Variants in KLRG1 observed in about 807,000 individuals in gnomAD.
KLRG1 encodes the protein killer cell lectin-like receptor subfamily G member 1.
KLRG1 carries 16 observed loss-of-function variants against 21.8 expected under a neutral mutation model. The ratio of observed to expected loss-of-function variants is 0.73; its 90% confidence interval spans 0.50 to 1.11. The LOEUF (loss-of-function observed/expected upper bound fraction) is 1.11, where lower values mean the gene tolerates loss of function less well. Among genes scored for constraint, KLRG1 ranks in the 50% most tolerant of loss-of-function variants. The pLI is 0.00. For synonymous variants in KLRG1, 69 were observed against 75.9 expected (o/e 0.91, Z 0.47); for missense variants, 173 against 218.3 (o/e 0.79, Z 1.31).
the KLRG1 span, among the ~76,000 whole-genome samples, chr12:9,103,137 T>C: frequency 3.9e-5 from 6 of 152,214 alleles, no homozygotes; most frequent in African/African-American, 1.4e-4. Flanking sequence ...TTTTGGAGTA[T>C]ATATATTTAA....
chr12:8,956,408 C>T (rs1946294521), intron 1 of KLRG1, among the ~76,000 whole-genome samples: 1 of 152,166 alleles, frequency 6.6e-6, no homozygotes, highest in African/African-American at 2.4e-5. Flanking sequence ...TTCCCCAAGC[C>T]AGAGCTGTAA....
At chr12:9,196,623 C>G in the KLRG1 span, 2 of 1,613,732 alleles carry the variant, frequency 1.2e-6, no homozygotes, top group Admixed American at 3.3e-5. Flanking sequence ...TTTCAAAGCC[C>G]GTATTTGTAA....
the KLRG1 span, chr12:9,163,832 G>A: frequency 6.9e-6 from 11 of 1,592,748 alleles, no homozygotes; most frequent in South Asian, 1.0e-4. Flanking sequence ...CACTTTGATA[G>A]TCCAATCACC....
At chr12:9,053,047 ACC>A in the KLRG1 span, among the ~76,000 whole-genome samples, 1 of 152,216 alleles carries the variant, frequency 6.6e-6, no homozygotes, top group African/African-American at 2.4e-5. Context: ...GGCCAGGGCC[ACC>A]TGTCTGTGTG....
At chr12:9,107,444 C>T in the KLRG1 span, 9 of 1,530,918 alleles carry the variant, frequency 5.9e-6, no homozygotes, top group East Asian at 4.6e-5. Flanking sequence ...TCTCTTCCTG[C>T]GTCAGAAAAA....
the KLRG1 span, chr12:9,113,637 G>A: frequency 8.2e-7 from 1 of 1,226,356 alleles, no homozygotes. Flanking sequence ...ATCATCATCA[G>A]TTCTACACCA....
chr12:9,069,813 G>A, the KLRG1 span: 14 of 1,613,300 alleles, frequency 8.7e-6, no homozygotes, highest in Non-Finnish European at 1.2e-5. Context: ...GATCTTTCAA[G>A]CTGAAGAAAA....
chr12:9,065,990 C>G, the KLRG1 span: 1 of 152,344 alleles, frequency 6.6e-6, no homozygotes. Context: ...CTGCTAGAAG[C>G]TGAACACTCG....
At chr12:9,124,294 G>A in the KLRG1 span, among the ~76,000 whole-genome samples, 9 of 152,026 alleles carry the variant, frequency 5.9e-5, no homozygotes, top group South Asian at 2.1e-4. Context: ...TGGGAGCTCC[G>A]TCCCTTCTGA....
the KLRG1 span, chr12:9,065,767 G>T: frequency 6.6e-6 from 1 of 152,300 alleles, no homozygotes; most frequent in South Asian, 2.1e-4. Flanking sequence ...CCCACTCATG[G>T]CTGCCCATGG....
At chr12:9,004,581 C>T (rs1400459089) in intron 3 of KLRG1, among the ~76,000 whole-genome samples, 1 of 152,166 alleles carries the variant, frequency 6.6e-6, no homozygotes, top group Non-Finnish European at 1.5e-5. Context: ...TGATCCTCCT[C>T]CCTGCCTCTG....
chr12:9,200,451 G>C, the KLRG1 span: 1 of 1,592,978 alleles, frequency 6.3e-7, no homozygotes, highest in Non-Finnish European at 8.6e-7. Flanking sequence ...GGGAAGCACT[G>C]TTAATAGAGA....
the KLRG1 span, chr12:9,150,877 C>T: frequency 6.1e-6 from 4 of 650,570 alleles, no homozygotes; most frequent in Non-Finnish European, 1.1e-5. Flanking sequence ...TTGTGGATGT[C>T]AAGATGGGTT....
the KLRG1 span, among the ~76,000 whole-genome samples, chr12:9,022,291 T>A: frequency 6.6e-6 from 1 of 152,200 alleles, no homozygotes; most frequent in African/African-American, 2.4e-5. Flanking sequence ...CACAAATACC[T>A]GAGTGTTTGT....
At chr12:9,160,707 T>G in the KLRG1 span, among the ~76,000 whole-genome samples, 1 of 151,958 alleles carries the variant, frequency 6.6e-6, no homozygotes, top group Admixed American at 6.6e-5. Context: ...GAGGTCAGGA[T>G]ATCGAGACCA....
the KLRG1 span, among the ~76,000 whole-genome samples, chr12:9,087,454 A>G: frequency 6.6e-6 from 1 of 152,168 alleles, no homozygotes; most frequent in Non-Finnish European, 1.5e-5. Context: ...GGAAGCTAAA[A>G]CATTCAAATT....
the KLRG1 span, chr12:9,112,223 A>G: frequency 1.2e-6 from 2 of 1,613,806 alleles, no homozygotes; most frequent in Non-Finnish European, 1.7e-6. Context: ...TGAAACAGAA[A>G]TATTTTTCAT....
At chr12:9,127,581 C>G in the KLRG1 span, among the ~76,000 whole-genome samples, 1 of 152,190 alleles carries the variant, frequency 6.6e-6, no homozygotes, top group Admixed American at 6.5e-5. Flanking sequence ...TGGGCAGCGG[C>G]TCCGTGCACT....
At chr12:9,180,981 A>G in the KLRG1 span, 2 of 1,612,188 alleles carry the variant, frequency 1.2e-6, no homozygotes, top group Non-Finnish European at 1.7e-6. Flanking sequence ...CTGGAAACTC[A>G]CTGAGGACAC....
Sources: allele counts gnomAD v4.1 joint callset (sites outside exome capture counted in the v4.1 genomes callset), GRCh38; gene constraint gnomAD v4.1.1; transcripts MANE v1.5; gene names NCBI Gene and HGNC (gene_info 2026-07-23, HGNC 2026-07-21).